The following AKAP8L variants were observed in gnomAD, a reference collection of about 807,000 sequenced individuals.
AKAP8L encodes A-kinase anchor protein 8-like.
AKAP8L carries 34 observed loss-of-function variants against 77.5 expected under a neutral mutation model. The ratio of observed to expected loss-of-function variants is 0.44; its 90% CI spans 0.33 to 0.58. The LOEUF (loss-of-function observed/expected upper bound fraction) is 0.58. Among genes scored for constraint, AKAP8L ranks in the 20% least tolerant of loss-of-function variants. The probability of loss-of-function intolerance (pLI) is 0.02; values close to 1 mark genes in which losing one functional copy is unlikely to be tolerated. For synonymous variants in AKAP8L, 342 were observed against 340.7 expected (o/e 1.00, Z -0.04); for missense variants, 806 against 887.6 (o/e 0.91, Z 1.17).
At chr19:15,402,266 C>G (rs955656062) in intron 4 of AKAP8L, among the ~76,000 whole-genome samples, 1 of 152,140 alleles carries the variant, frequency 6.6e-6, no homozygotes, top group Non-Finnish European at 1.5e-5. Flanking sequence ...GAAGGCAGGC[C>G]AGACCTCCTC....
Position 15,398,046 on chromosome 19 carries a change from A to G in AKAP8L, c.1158-191T>C. The stretch of plus-strand genomic sequence containing the variant: ...AAGGGCCAGAAAGTCTGCAGGCTGC[A>G]GTTACTGCAACGTAGGGGACAGGGG... On this transcript the variant is annotated intron_variant, in intron 9 of 13. Coordinates refer to ENST00000397410, the MANE Select transcript of AKAP8L (RefSeq NM_014371.4). This position sits in a 1 kb window ranked among gnomAD's most constrained non-coding sequence, Gnocchi z 9.2. The G allele has an allele frequency of 1.6e-6, 1 of 642,528 alleles. No homozygotes were observed. The highest frequency in any genetic ancestry group is 2.0e-5 in the South Asian group (1 of 51,182). 39.8% of individuals were successfully genotyped at this position (642,528 alleles called of 1,614,324 possible). A position where few individuals can be genotyped will look rare whatever the true frequency, so the allele number is the denominator to read the frequency against.
rs193241322 is a variant in AKAP8L, at chr19:15,400,436, C to T, written c.985-78G>A. On this transcript the variant is annotated intron_variant, in intron 7 of 13. Coordinates refer to ENST00000397410, the MANE Select transcript of AKAP8L (RefSeq NM_014371.4). ...AAAGAAACCAAGTTTATTAGAGCAA[C>T]GGTATATAGTAAAACAGCTGCTTGC... The T allele has an allele frequency of 3.3e-4, 461 of 1,411,572 alleles. 2 individuals are homozygous for T. The African/African-American group carries it at 5.2e-3, about 16-fold the overall frequency. 87.4% of individuals were successfully genotyped at this position (1,411,572 alleles called of 1,614,324 possible).
chr19:15,400,339 C>T lies in AKAP8L; in HGVS notation c.1004G>A (p.Gly335Glu), dbSNP rs184251079. 6.2e-7 allele frequency: 1 copy of T among 1,613,844 alleles called. No homozygotes were observed. The highest frequency in any genetic ancestry group is 2.2e-5 in the East Asian group (1 of 44,880). The part of the protein sequence containing the change: ...GSRVDGEDEE[G>E]KEDGREEGKE... ...GCCTTCTTCTCTCCCATCCTCTTTT[C>T]CCTCCTCATCCTCTCCGTCCTAACA... The change falls in exon 8 of 14, where the codon GGA (glycine) becomes GAA (glutamate). Residue 335 changes from glycine to glutamate, a missense_variant. Physicochemically the swap from Gly to Glu is moderately conservative, Grantham distance 98. Coordinates refer to ENST00000397410, the MANE Select transcript of AKAP8L (RefSeq NM_014371.4).
intron 12 of AKAP8L, among the ~76,000 whole-genome samples, chr19:15,390,524 C>T (rs1041790601): frequency 6.6e-6 from 1 of 151,666 alleles, no homozygotes; most frequent in Admixed American, 6.6e-5. Flanking sequence ...TATACTAGTT[C>T]TTCACAAACT....
At chr19:15,396,536 G>A (rs369576933) in intron 12 of AKAP8L, among the ~76,000 whole-genome samples, 1 of 152,112 alleles carries the variant, frequency 6.6e-6, no homozygotes, top group Non-Finnish European at 1.5e-5. Flanking sequence ...TGGCAGCACC[G>A]CTGTCCTCCC....
chr19:15,388,739 C>G (rs948544072), intron 12 of AKAP8L, among the ~76,000 whole-genome samples: 13 of 151,340 alleles, frequency 8.6e-5, no homozygotes, highest in Non-Finnish European at 1.6e-4. Context: ...CATGGTGAAA[C>G]CCCGTCTCTA....
At chr19:15,415,736 AT>A (rs1205589750) in intron 1 of AKAP8L, among the ~76,000 whole-genome samples, 1 of 151,988 alleles carries the variant, frequency 6.6e-6, no homozygotes, top group East Asian at 1.9e-4. Flanking sequence ...AATACAAAAA[AT>A]TAGCCGGGTG....
In AKAP8L at chr19:15,399,505, AG is replaced by A. The variant is rs972982869; in HGVS notation, c.1049-96del. ...CTGAATCACCCACTGTCCACTCCAG[AG>A]GGTCCATCGAGAATAGCTGTCCAAG... On this transcript the variant is annotated intron_variant, in intron 8 of 13. Coordinates refer to ENST00000397410, the MANE Select transcript of AKAP8L (RefSeq NM_014371.4). The surrounding 1 kb of genome is among the most constrained non-coding windows in gnomAD (Gnocchi z 6.1). The A allele has an allele frequency of 4.4e-6, 4 of 903,720 alleles. No homozygotes were observed. The East Asian group carries it at 9.7e-5, about 22-fold the overall frequency. The allele number at this position is 903,720 out of a possible 1,614,324, so 56.0% of individuals were successfully genotyped here.
In AKAP8L at chr19:15,397,432, G is replaced by A; in HGVS notation, c.1405+88C>T. The A allele has an allele frequency of 1.4e-6, 2 of 1,481,230 alleles. No individual in the cohort carries two copies. Among genetic ancestry groups the A allele is most frequent in the South Asian group, 2.3e-5 (2 of 85,432 alleles). 91.8% of individuals were successfully genotyped at this position (1,481,230 alleles called of 1,614,324 possible). A position where few individuals can be genotyped will look rare whatever the true frequency, so the allele number is the denominator to read the frequency against. ...GCTGGTCTCCTGACCTTCCCTGGGG[G>A]AACAGAAGGGTGTCCTGACCCTGCA... On this transcript the variant is annotated intron_variant, in intron 11 of 13. Transcript: ENST00000397410. This position sits in a 1 kb window ranked among gnomAD's most constrained non-coding sequence, Gnocchi z 4.7.
In AKAP8L at chr19:15,380,305, C is replaced by T. The variant is rs1967374722; in HGVS notation, c.1758G>A (p.Pro586=). 2 of 1,530,284 alleles carry T rather than the reference C, an allele frequency of 1.3e-6. No homozygotes were observed. Among genetic ancestry groups the T allele is most frequent in the Admixed American group, 2.0e-5 (1 of 49,704 alleles). The allele number at this position is 1,530,284 out of a possible 1,614,324, so 94.8% of individuals were successfully genotyped here. A position where few individuals can be genotyped will look rare whatever the true frequency, so the allele number is the denominator to read the frequency against. The change falls in exon 14 of 14, where the codon CCG becomes CCA. Residue 586 remains proline (P), a synonymous_variant. Coordinates refer to ENST00000397410, the MANE Select transcript of AKAP8L (RefSeq NM_014371.4). ...GCTCTGGGGGCACGGGAGGCTGCGCCGGCACGCCCTCTGCGCCCTCCGAGA... is the reference window on the plus strand; with the variant it reads ...GCTCTGGGGGCACGGGAGGCTGCGCTGGCACGCCCTCTGCGCCCTCCGAGA... The part of the protein sequence containing the change: ...AGISEGAEGV[P]AQPPVPPEPA...
chr19:15,383,774 T>C, intron 12 of AKAP8L: 1 of 152,184 alleles, frequency 6.6e-6, no homozygotes, highest in East Asian at 1.9e-4. Context: ...TTTAAAATAA[T>C]TTCATTTCAT....
intron 2 of AKAP8L, 121 bp downstream of exon 2, chr19:15,410,399 C>T: frequency 1.2e-6 from 1 of 811,572 alleles, no homozygotes; most frequent in Non-Finnish European, 2.0e-6. Context: ...ATGGCCACAC[C>T]ATTTCACACA....
chr19:15,383,739 T>TA (rs1967466546), intron 12 of AKAP8L: 1 of 152,178 alleles, frequency 6.6e-6, no homozygotes, highest in Non-Finnish European at 1.5e-5. Flanking sequence ...CAGCTATTGT[T>TA]AGACTGAATT....
At chr19:15,394,244 G>A (rs1228614719) in intron 12 of AKAP8L, among the ~76,000 whole-genome samples, 1 of 152,152 alleles carries the variant, frequency 6.6e-6, no homozygotes, top group South Asian at 2.1e-4. Flanking sequence ...GCCATATGAA[G>A]GAATGAAGTT....
chr19:15,418,893 C>G lies in AKAP8L; in HGVS notation c.13+18G>C, dbSNP rs199878385. The G allele has an allele frequency of 3.0e-4, 473 of 1,600,510 alleles. 6 individuals are homozygous for G. The African/African-American group carries it at 5.5e-3, about 19-fold the overall frequency. On this transcript the variant is annotated intron_variant, in intron 1 of 13. Coordinates refer to ENST00000397410, the MANE Select transcript of AKAP8L (RefSeq NM_014371.4). ...CCCATCCCCCACGCAGAGCCCGACC[C>G]CACCCTGCCAGGCCCACCTGTGTAG... is the stretch of plus-strand genomic sequence containing the variant.
Position 15,397,391 on chromosome 19 carries a change from C to T in AKAP8L, c.1406-111G>A, listed in dbSNP as rs1049254717. 2.0e-6 allele frequency: 3 copies of T among 1,513,208 alleles called. No individual in the cohort carries two copies. Among genetic ancestry groups the T allele is most frequent in the Middle Eastern group, 2.1e-4 (1 of 4,752 alleles). 93.7% of individuals were successfully genotyped at this position (1,513,208 alleles called of 1,614,324 possible). On this transcript the variant is annotated intron_variant, in intron 11 of 13. Coordinates refer to ENST00000397410, the MANE Select transcript of AKAP8L (RefSeq NM_014371.4). This position sits in a 1 kb window ranked among gnomAD's most constrained non-coding sequence, Gnocchi z 4.7. ...CCTCAACTCGCCCTGCCACTTCCACCTGGGCCTGAGCCAAGGCTGGTCTCC... is the reference window on the plus strand; with the variant it reads ...CCTCAACTCGCCCTGCCACTTCCACTTGGGCCTGAGCCAAGGCTGGTCTCC...
chr19:15,393,032 T>A (rs1967696724), intron 12 of AKAP8L, among the ~76,000 whole-genome samples: 1 of 151,990 alleles, frequency 6.6e-6, no homozygotes, highest in Non-Finnish European at 1.5e-5. Flanking sequence ...GAAGACTTAA[T>A]AGCTATGGTC....
chr19:15,399,207 C>T lies in AKAP8L; in HGVS notation c.1157+95G>A. 3 of 1,164,406 alleles carry T rather than the reference C, an allele frequency of 2.6e-6. No homozygotes were observed. The Admixed American group carries it at 5.6e-5, about 22-fold the overall frequency. The allele number at this position is 1,164,406 out of a possible 1,614,324, so 72.1% of individuals were successfully genotyped here. On this transcript the variant is annotated intron_variant, in intron 9 of 13. Transcript: ENST00000397410. The surrounding 1 kb of genome is among the most constrained non-coding windows in gnomAD (Gnocchi z 6.1). ...AGCAGGTGGCGGCTCCCAAGGGAGGCCAGAGGGCGGCGAGCTGGCAGAGCT... is the reference window on the plus strand; with the variant it reads ...AGCAGGTGGCGGCTCCCAAGGGAGGTCAGAGGGCGGCGAGCTGGCAGAGCT...
intron 1 of AKAP8L, 87 bp downstream of exon 1, chr19:15,418,824 G>T: frequency 7.1e-7 from 1 of 1,408,808 alleles, no homozygotes; most frequent in Non-Finnish European, 9.8e-7. Flanking sequence ...CGGGGCCCCA[G>T]GGGAGGTGCG....
Sources: gnomAD v4.1 joint callset for allele counts (sites outside exome capture counted in the v4.1 genomes callset) on GRCh38, gnomAD v4.1.1 for gene constraint, Gnocchi (gnomAD v3.1) non-coding constraint, MANE v1.5 for transcripts, NCBI Gene and HGNC (gene_info 2026-07-23, HGNC 2026-07-21) for gene names.